The following GPC3 variants were observed in gnomAD, a reference collection of about 807,000 sequenced individuals.
The protein encoded by GPC3 is glypican 3, also known as glypican-3.
GPC3 carries 3 observed loss-of-function variants against 34.4 expected under a neutral mutation model. The observed-to-expected ratio is 0.09, with a 90% CI of 0.04 to 0.23. GPC3 has a LOEUF of 0.23. Ranked by LOEUF, GPC3 falls within the 10% of genes least tolerant of loss-of-function variation. The pLI is 1.00. For synonymous variants in GPC3, 177 were observed against 174.0 expected, an observed-to-expected ratio of 1.02 and a Z score of -0.13; for missense variants, 351 against 445.6, an observed-to-expected ratio of 0.79 and a Z score of 1.91.
chrX:133,734,026 G>A (rs1426767068), intron 3 of GPC3, among the ~76,000 whole-genome samples: 4 of 111,789 alleles, frequency 3.6e-5, no homozygotes, highest in African/African-American at 1.3e-4. Flanking sequence ...AGAAGAGGAA[G>A]GAATACATCC....
chrX:133,864,510 C>A (rs906216339), intron 2 of GPC3, among the ~76,000 whole-genome samples: 1 of 111,604 alleles, frequency 9.0e-6, no homozygotes, highest in African/African-American at 3.3e-5. Flanking sequence ...ACTCCCATCA[C>A]CTCTCCTTTC....
chrX:133,617,527 C>A (rs2070180306), intron 6 of GPC3, among the ~76,000 whole-genome samples: 1 of 111,837 alleles, frequency 8.9e-6, no homozygotes, highest in East Asian at 2.8e-4. Context: ...GAGTGAATAA[C>A]TTAAAATGTA....
chrX:133,650,457 C>A (rs376848984), intron 6 of GPC3, among the ~76,000 whole-genome samples: 49 of 97,687 alleles, frequency 5.0e-4, no homozygotes, highest in African/African-American at 1.4e-3. Flanking sequence ...ACACACCCAC[C>A]CACACACACA....
chrX:133,870,049 A>G (rs1692263608), intron 2 of GPC3, among the ~76,000 whole-genome samples: 1 of 112,361 alleles, frequency 8.9e-6, no homozygotes, highest in Admixed American at 9.4e-5. Context: ...ACACACAAGA[A>G]TTCAACTCTG....
intron 2 of GPC3, among the ~76,000 whole-genome samples, chrX:133,893,989 C>T (rs986954858): frequency 1.1e-4 from 12 of 110,762 alleles, no homozygotes; most frequent in African/African-American, 3.0e-4. Flanking sequence ...ATTACAGGCG[C>T]CCGCCATCAA....
At chrX:133,601,601 TTGTTTCC>T (rs1298577715) in intron 6 of GPC3, among the ~76,000 whole-genome samples, 1 of 112,298 alleles carries the variant, frequency 8.9e-6, no homozygotes, top group Non-Finnish European at 1.9e-5. Flanking sequence ...AATATTTGCA[TTGTTTCC>T]TGTTATTTTG....
At chrX:133,764,299 T>A (rs1306094354) in intron 2 of GPC3, among the ~76,000 whole-genome samples, 1 of 111,295 alleles carries the variant, frequency 9.0e-6, no homozygotes, top group Non-Finnish European at 1.9e-5. Context: ...AACTACTGGA[T>A]ACCATGCTTC....
chrX:133,836,152 A>T (rs2075798354), intron 2 of GPC3, among the ~76,000 whole-genome samples: 1 of 113,512 alleles, frequency 8.8e-6, no homozygotes. Flanking sequence ...CATGAAATAC[A>T]ATCTGACAAT....
At chrX:133,634,966 G>A (rs1603204666) in intron 6 of GPC3, among the ~76,000 whole-genome samples, 1 of 111,331 alleles carries the variant, frequency 9.0e-6, no homozygotes, top group Admixed American at 9.6e-5. Flanking sequence ...TAGAAAGCTA[G>A]CTATCTTTCA....
intron 6 of GPC3, among the ~76,000 whole-genome samples, chrX:133,650,488 C>CAT (rs1556222589): frequency 9.5e-6 from 1 of 105,691 alleles, no homozygotes; most frequent in African/African-American, 3.4e-5. Context: ...CACACACACA[C>CAT]ATATAAAAAA....
intron 1 of GPC3, among the ~76,000 whole-genome samples, chrX:133,964,603 G>C (rs1328816321): frequency 9.0e-6 from 1 of 111,482 alleles, no homozygotes; most frequent in African/African-American, 3.3e-5. Flanking sequence ...AGGTAAAGGG[G>C]GAAAGAGTGT....
chrX:133,914,453 C>T (rs777577565), intron 2 of GPC3, among the ~76,000 whole-genome samples: 2 of 111,221 alleles, frequency 1.8e-5, no homozygotes, highest in East Asian at 5.7e-4. Flanking sequence ...TCAATTTGTA[C>T]TTTCTCGTCC....
intron 2 of GPC3, among the ~76,000 whole-genome samples, chrX:133,917,188 T>C (rs1490355634): frequency 2.7e-5 from 3 of 112,021 alleles, no homozygotes; most frequent in Non-Finnish European, 3.8e-5. Flanking sequence ...ATGAGTCTCA[T>C]TTCAATTAGT....
chrX:133,758,882 A>T (rs919218046), intron 2 of GPC3, among the ~76,000 whole-genome samples: 2 of 110,921 alleles, frequency 1.8e-5, no homozygotes, highest in African/African-American at 3.3e-5. Flanking sequence ...CTAGAAACAG[A>T]GGATAACTTT....
chrX:133,693,973 T>C (rs2071090163), intron 4 of GPC3, among the ~76,000 whole-genome samples: 1 of 110,773 alleles, frequency 9.0e-6, no homozygotes, highest in Non-Finnish European at 1.9e-5. Flanking sequence ...CCTTTTCACT[T>C]GTGCTCAGTT....
intron 3 of GPC3, among the ~76,000 whole-genome samples, chrX:133,718,024 C>T (rs1374751273): frequency 9.0e-6 from 1 of 111,259 alleles, no homozygotes; most frequent in Non-Finnish European, 1.9e-5. Context: ...GAGGTGGAAG[C>T]TGCAGTGAGC....
At chrX:133,711,144 G>A (rs1056046293) in intron 3 of GPC3, among the ~76,000 whole-genome samples, 4 of 111,871 alleles carry the variant, frequency 3.6e-5, no homozygotes, top group Admixed American at 1.9e-4. Flanking sequence ...ATCCAGACAC[G>A]AAGTCTTGTT....
intron 6 of GPC3, among the ~76,000 whole-genome samples, chrX:133,623,515 C>T (rs1479152028): frequency 9.0e-6 from 1 of 111,538 alleles, no homozygotes; most frequent in East Asian, 2.8e-4. Context: ...CAATCCTAAT[C>T]TCTGATAAAA....
intron 2 of GPC3, among the ~76,000 whole-genome samples, chrX:133,912,258 C>A (rs1259996844): frequency 8.9e-6 from 1 of 112,355 alleles, no homozygotes; most frequent in Non-Finnish European, 1.9e-5. Flanking sequence ...AGGCGAACTA[C>A]ACAGAACCTA....
Sources: gnomAD v4.1 joint callset for allele counts (sites outside exome capture counted in the v4.1 genomes callset) on GRCh38, gnomAD v4.1.1 for gene constraint, MANE v1.5 for transcripts, NCBI Gene and HGNC (gene_info 2026-07-23, HGNC 2026-07-21) for gene names.